Variants in PRKG2 observed in about 807,000 individuals in gnomAD.
PRKG2 encodes protein kinase cGMP-dependent 2, also known as cGMP-dependent protein kinase 2.
PRKG2 carries 33 observed loss-of-function variants against 97.2 expected under a neutral mutation model. That is an observed-to-expected ratio of 0.34 (90% CI 0.26 to 0.45). PRKG2 has a LOEUF of 0.45. Among genes scored for constraint, PRKG2 ranks in the 20% least tolerant of loss-of-function variants. PRKG2 has a pLI of 1.00. For missense variants in PRKG2, 638 were observed against 900.0 expected, an observed-to-expected ratio of 0.71 and a Z score of 3.73; for synonymous variants, 330 against 321.8, an observed-to-expected ratio of 1.03 and a Z score of -0.27.
chr4:81,134,928 T>C (rs1234372452), intron 14 of PRKG2, among the ~76,000 whole-genome samples: 2 of 152,206 alleles, frequency 1.3e-5, no homozygotes, highest in African/African-American at 4.8e-5. Flanking sequence ...CATTCTATTA[T>C]GTGAACCTTC....
At chr4:81,155,450 T>G in intron 6 of PRKG2, among the ~76,000 whole-genome samples, 1 of 152,102 alleles carries the variant, frequency 6.6e-6, no homozygotes. Context: ...AATCTACGTC[T>G]GATTGGTGTA....
chr4:81,091,214 T>C (rs1266336686), intron 18 of PRKG2, among the ~76,000 whole-genome samples: 1 of 152,172 alleles, frequency 6.6e-6, no homozygotes, highest in Non-Finnish European at 1.5e-5. Flanking sequence ...AGGTATTAAA[T>C]CTCAATGGTA....
chr4:81,170,584 A>G (rs2110082154), intron 4 of PRKG2, among the ~76,000 whole-genome samples: 1 of 152,184 alleles, frequency 6.6e-6, no homozygotes, highest in South Asian at 2.1e-4. Context: ...GGGAGTAGAG[A>G]CCCAAAATCT....
chr4:81,192,701 G>A (rs1471833800), intron 2 of PRKG2, among the ~76,000 whole-genome samples: 3 of 152,152 alleles, frequency 2.0e-5, no homozygotes, highest in African/African-American at 4.8e-5. Context: ...GCTGGAAATG[G>A]TAGAAGTCTT....
intron 18 of PRKG2, among the ~76,000 whole-genome samples, chr4:81,092,108 C>CA (rs1741598704): frequency 6.6e-6 from 1 of 151,666 alleles, no homozygotes; most frequent in African/African-American, 2.4e-5. Context: ...TTTATACAGT[C>CA]ATTTGTCAGC....
chr4:81,122,868 C>T (rs907095985), intron 14 of PRKG2, among the ~76,000 whole-genome samples: 11 of 152,350 alleles, frequency 7.2e-5, no homozygotes, highest in African/African-American at 2.2e-4. Context: ...CCACAGGGCG[C>T]ACCCCACCCT....
In PRKG2 at chr4:81,135,484, A is replaced by C. The variant is rs142506455; in HGVS notation, c.1635-188T>G. On this transcript the variant is annotated intron_variant, in intron 13 of 18. Coordinates refer to ENST00000264399, the MANE Select transcript of PRKG2 (RefSeq NM_006259.3). ...GCAGATCATAAAGCAATTCAGGGAG[A>C]TATGTGATACAAACAAGAACTACTT... is the stretch of plus-strand genomic sequence containing the variant. Among the ~76,000 whole-genome samples the C allele has an allele frequency of 4.5e-3, 690 of 152,310 alleles. 5 individuals carry two copies. The highest frequency in any genetic ancestry group is 7.7e-3 in the Non-Finnish European group (523 of 68,024).
At chr4:81,108,813 C>T (rs1419573533) in intron 15 of PRKG2, among the ~76,000 whole-genome samples, 1 of 152,170 alleles carries the variant, frequency 6.6e-6, no homozygotes, top group Non-Finnish European at 1.5e-5. Context: ...AAGAGGATTG[C>T]TTGGGCCCAG....
chr4:81,144,122 G>C lies in PRKG2; in HGVS notation c.1253+110C>G, dbSNP rs1747565115. Reference sequence around the variant, plus strand: ...CAAAAGAACTCTCCAGAATTTTCTAGTGAAGGCACATTAAAAGTTACCACA... The same window carrying C: ...CAAAAGAACTCTCCAGAATTTTCTACTGAAGGCACATTAAAAGTTACCACA... On this transcript the variant is annotated intron_variant, in intron 10 of 18. Transcript: ENST00000264399. The C allele has an allele frequency of 4.5e-6, 4 of 894,406 alleles. No homozygotes were observed. The South Asian group carries it at 4.9e-5, about 11-fold the overall frequency. The allele number at this position is 894,406 out of a possible 1,614,324, so 55.4% of individuals were successfully genotyped here.
intron 17 of PRKG2, among the ~76,000 whole-genome samples, chr4:81,093,360 A>AACACACACACACACACACACACAC (rs60004845): frequency 8.6e-6 from 1 of 116,282 alleles, no homozygotes; most frequent in African/African-American, 3.1e-5. Context: ...CTCCCCCACC[A>AACACACACACACACACACACACAC]ACACACACAC....
rs1354390981 is a variant in PRKG2, at chr4:81,119,768, G to A, written c.1777-9157C>T. Among the ~76,000 whole-genome samples, 5 of 150,916 alleles carry A rather than the reference G, an allele frequency of 3.3e-5. No homozygotes were observed. In the South Asian group the frequency reaches 6.3e-4, roughly 19 times the overall value. The stretch of plus-strand genomic sequence containing the variant: ...CGGCTCACTGCAAGCTCCACCTCCC[G>A]GGTTCACACCATTCTCCTGCCTCAG... On this transcript the variant is annotated intron_variant, in intron 14 of 18. Coordinates refer to ENST00000264399, the MANE Select transcript of PRKG2 (RefSeq NM_006259.3).
intron 17 of PRKG2, among the ~76,000 whole-genome samples, chr4:81,102,205 C>T (rs1221888689): frequency 2.0e-5 from 3 of 152,234 alleles, no homozygotes; most frequent in African/African-American, 7.2e-5. Flanking sequence ...TATTGCTATG[C>T]TGAGGTGAGA....
At chr4:81,180,788 T>C (rs1250113347) in intron 2 of PRKG2, among the ~76,000 whole-genome samples, 1 of 112,858 alleles carries the variant, frequency 8.9e-6, no homozygotes, top group African/African-American at 8.3e-5. Context: ...CTCACTGATA[T>C]TTTAAATATC....
intron 14 of PRKG2, among the ~76,000 whole-genome samples, chr4:81,128,226 G>C (rs909628720): frequency 6.6e-6 from 1 of 152,226 alleles, no homozygotes; most frequent in Middle Eastern, 3.4e-3. Flanking sequence ...TGCTGGATTC[G>C]GTTTGCCAGT....
rs1400539080 is a variant in PRKG2, at chr4:81,208,250, T to C, written c.-13-3190A>G. ...TACTATGATTATTACGTTTGTAAAG[T>C]ACCCCATATGATGCCTGGCAGGTAT... On this transcript the variant is annotated intron_variant, in intron 1 of 18. Transcript: ENST00000264399. 6.6e-5 allele frequency among the ~76,000 whole-genome samples: 10 copies of C among 152,322 alleles called. No homozygotes were observed. The East Asian group carries it at 1.9e-3, about 29-fold the overall frequency.
chr4:81,091,802 C>T (rs1191755480), intron 18 of PRKG2, among the ~76,000 whole-genome samples: 1 of 152,136 alleles, frequency 6.6e-6, no homozygotes, highest in Non-Finnish European at 1.5e-5. Context: ...TGAAGTTCTG[C>T]TGCCTCTAGA....
Position 81,175,039 on chromosome 4 carries a change from T to G in PRKG2, c.462-80A>C, listed in dbSNP as rs1750802121. ...ATTTAGATTCACTTTATTCTGATTC[T>G]CAATAATATTATCTACAAACTTATA... On this transcript the variant is annotated intron_variant, in intron 2 of 18. Transcript: ENST00000264399. The G allele has an allele frequency of 9.2e-6, 12 of 1,303,212 alleles. No individual in the cohort carries two copies. In the South Asian group the frequency reaches 1.2e-4, roughly 13 times the overall value. The allele number at this position is 1,303,212 out of a possible 1,614,324, so 80.7% of individuals were successfully genotyped here.
intron 3 of PRKG2, chr4:81,173,873 C>G (rs1250105056): frequency 6.6e-6 from 1 of 151,978 alleles, no homozygotes; most frequent in Non-Finnish European, 1.5e-5. Flanking sequence ...TTGTTGTCAA[C>G]AACATGTCAA....
intron 2 of PRKG2, among the ~76,000 whole-genome samples, chr4:81,180,351 G>A (rs72879502): frequency 0.24 from 36,248 of 151,640 alleles, 8,394 homozygotes; most frequent in African/African-American, 0.59. Flanking sequence ...TCAGACAAAT[G>A]AAATAAAATT....
Sources: gnomAD v4.1 joint callset for allele counts (sites outside exome capture counted in the v4.1 genomes callset) on GRCh38, gnomAD v4.1.1 for gene constraint, MANE v1.5 for transcripts, NCBI Gene and HGNC (gene_info 2026-07-23, HGNC 2026-07-21) for gene names.